Variants in MCM6 observed in about 807,000 individuals in gnomAD.
MCM6 encodes DNA replication licensing factor MCM6.
In MCM6, 46 loss-of-function variants were observed where a neutral mutation model predicts 94.3. The observed-to-expected ratio is 0.49, with a 90% confidence interval of 0.39 to 0.62. MCM6 has a LOEUF of 0.62. Ranked by LOEUF, MCM6 falls within the 20% of genes least tolerant of loss-of-function variation. MCM6 has a pLI of 0.00. For missense variants in MCM6, 865 were observed against 1,017.9 expected (o/e 0.85, Z 2.04); for synonymous variants, 335 against 351.9 (o/e 0.95, Z 0.54).
chr2:135,868,504 T>C, intron 4 of MCM6, 107 bp downstream of exon 4: 3 of 1,140,388 alleles, frequency 2.6e-6, no homozygotes, highest in Non-Finnish European at 3.8e-6. Context: ...GATGCTTAAC[T>C]TACATAAAAA....
intron 7 of MCM6, among the ~76,000 whole-genome samples, chr2:135,864,220 A>C (rs1037929415): frequency 2.0e-5 from 3 of 152,224 alleles, no homozygotes; most frequent in Middle Eastern, 3.2e-3. Context: ...ATCAGGCCTA[A>C]AATTTTAGTC....
At chr2:135,860,294 G>A (rs1679966537) in intron 8 of MCM6, among the ~76,000 whole-genome samples, 1 of 150,946 alleles carries the variant, frequency 6.6e-6, no homozygotes, top group Admixed American at 6.6e-5. Context: ...CACCACACCC[G>A]GCTAATTTTT....
At chr2:135,859,190 G>A in intron 9 of MCM6, 111 bp downstream of exon 9, 1 of 901,350 alleles carries the variant, frequency 1.1e-6, no homozygotes. Flanking sequence ...ACCGCGCCCA[G>A]CTGAGAATGC....
At chr2:135,866,413 G>C (rs1680096214) in intron 5 of MCM6, 136 bp from the exon 6 acceptor site, 1 of 1,388,148 alleles carries the variant, frequency 7.2e-7, no homozygotes, top group Non-Finnish European at 9.9e-7. Flanking sequence ...CACCATTTGT[G>C]GCAAAACCAA....
rs1049632079 is a variant in MCM6, at chr2:135,851,421, C to T, written c.1898G>A (p.Arg633Gln). 6.8e-6 allele frequency: 11 copies of T among 1,612,566 alleles called. 1 individual carries two copies. In the Admixed American group the frequency reaches 1.5e-4, roughly 22 times the overall value. The change falls in exon 13 of 17, where the codon CGG (arginine) becomes CAG (glutamine). Residue 633 changes from arginine to glutamine, a missense_variant. By Grantham distance (43) the Arg-to-Gln change is conservative (BLOSUM62 1). Coordinates refer to ENST00000264156, the MANE Select transcript of MCM6 (RefSeq NM_005915.6). ...TGATACCTCATCACAGCAGTGCATC[C>T]GAGCCATAGCTTCAGAGAGACGAAT... Reference protein sequence around the residue: ...SMIRLSEAMARMHCCDEVQPK... With the variant: ...SMIRLSEAMAQMHCCDEVQPK...
intron 10 of MCM6, among the ~76,000 whole-genome samples, chr2:135,857,224 T>C (rs1023013484): frequency 3.9e-5 from 6 of 152,196 alleles, no homozygotes; most frequent in African/African-American, 1.2e-4. Context: ...CAATTGAATA[T>C]GGGAAATTAA....
In MCM6 at chr2:135,852,837, G is replaced by A; in HGVS notation, c.1705C>T (p.Leu569Phe). The change falls in exon 12 of 17, where the codon CTC becomes TTC. Residue 569 changes from leucine (L) to phenylalanine (F), a missense_variant. Physicochemically the swap from Leu to Phe is conservative, Grantham distance 22. This residue lies in a region of MCM6 where 308 missense variants were observed against 324.5 expected (regional missense o/e 0.95). Transcript: ENST00000264156. ...IEESIDRVYS[L>F]DDIRRYLLFA... ...AGAAGATATCTTCTGATATCATCGA[G>A]GGAATAGACACGATCAATTGATTCC... 1 of 1,609,708 alleles carries A rather than the reference G, an allele frequency of 6.2e-7. No homozygotes were observed. Among genetic ancestry groups the A allele is most frequent in the Non-Finnish European group, 8.5e-7 (1 of 1,177,896 alleles).
chr2:135,867,148 A>G (rs1470002646), intron 4 of MCM6, among the ~76,000 whole-genome samples: 2 of 152,244 alleles, frequency 1.3e-5, no homozygotes, highest in East Asian at 3.8e-4. Context: ...ATTTACAGAT[A>G]CATGTTTTTT....
Position 135,852,900 on chromosome 2 carries a change from T to A in MCM6, c.1642A>T (p.Ile548Phe). The change falls in exon 12 of 17, where the codon ATT (isoleucine) becomes TTT (phenylalanine). Residue 548 changes from isoleucine to phenylalanine, a missense_variant. Physicochemically the swap from Ile to Phe is conservative, Grantham distance 21. Transcript: ENST00000264156. ...DECNEVTDYA[I>F]ARRIVDLHSR... is the part of the protein sequence containing the mutation. ...TGCAAATCTACTATGCGCCTGGCAA[T>A]GGCATAATCTGTAACCTAATTCAAA... The A allele has an allele frequency of 6.2e-7, 1 of 1,606,834 alleles. No individual in the cohort carries two copies. The highest frequency in any genetic ancestry group is 8.5e-7 in the Non-Finnish European group (1 of 1,177,392).
chr2:135,845,507 G>A (rs1390383412), intron 15 of MCM6, among the ~76,000 whole-genome samples: 1 of 152,136 alleles, frequency 6.6e-6, no homozygotes, highest in Non-Finnish European at 1.5e-5. Context: ...AGTTCCCAGG[G>A]GAACAAGGGC....
intron 5 of MCM6, 105 bp from the exon 6 acceptor site, chr2:135,866,382 C>G (rs747030156): frequency 8.3e-6 from 12 of 1,448,202 alleles, no homozygotes; most frequent in African/African-American, 1.4e-5. Flanking sequence ...TTCACTTAAG[C>G]CTTGAATACT....
intron 16 of MCM6, among the ~76,000 whole-genome samples, chr2:135,843,692 T>C (rs1679619081): frequency 7.1e-6 from 1 of 141,522 alleles, no homozygotes; most frequent in Non-Finnish European, 1.5e-5. Flanking sequence ...GCTATGCCAC[T>C]GCACTCCAGC....
chr2:135,868,641 T>C lies in MCM6; in HGVS notation c.585A>G (p.Thr195=), dbSNP rs750911883. The change falls in exon 4 of 17, where the codon ACA becomes ACG. Residue 195 remains threonine, a synonymous_variant. Coordinates refer to ENST00000264156, the MANE Select transcript of MCM6 (RefSeq NM_005915.6). The part of the protein sequence containing the change: ...CANRRRFLLD[T]NKSRFVDFQK... ...GAAAATCAACAAATCTTGATTTATT[T>C]GTATCCAGTAAGAATCTCCTCCTGT... is the stretch of plus-strand genomic sequence containing the variant. The C allele has an allele frequency of 1.2e-6, 2 of 1,614,138 alleles. No individual in the cohort carries two copies. Among genetic ancestry groups the C allele is most frequent in the Admixed American group, 3.3e-5 (2 of 60,022 alleles).
rs1357523142 is a variant in MCM6 at position 135,844,693 on chromosome 2, A to G, written c.2210-9T>C. 6.5e-7 allele frequency: 1 copy of G among 1,533,080 alleles called. No homozygotes were observed. The highest frequency in any genetic ancestry group is 2.2e-5 in the Admixed American group (1 of 44,732). 95.0% of individuals were successfully genotyped at this position (1,533,080 alleles called of 1,614,324 possible). On this transcript the variant is annotated splice_polypyrimidine_tract_variant and intron_variant, in intron 15 of 16. Coordinates refer to ENST00000264156, the MANE Select transcript of MCM6 (RefSeq NM_005915.6). ...TGCTGACTCGTCCTCTTCTGCAACA[A>G]AAAAACACATTCAAATTATCCTAGC... is the stretch of plus-strand genomic sequence containing the variant.
chr2:135,847,350 G>C (rs1679689552), intron 14 of MCM6, among the ~76,000 whole-genome samples: 1 of 152,114 alleles, frequency 6.6e-6, no homozygotes, highest in Non-Finnish European at 1.5e-5. Flanking sequence ...AGGAAGTTAA[G>C]GCTGCAGTGC....
Position 135,848,138 on chromosome 2 carries a change from G to A in MCM6, c.1968C>T (p.Ile656=). The A allele has an allele frequency of 6.2e-7, 1 of 1,611,284 alleles. No homozygotes were observed. Among genetic ancestry groups the A allele is most frequent in the Non-Finnish European group, 8.5e-7 (1 of 1,177,470 alleles). Residue 656 remains isoleucine (I), a synonymous_variant, in exon 14 of 17, where the codon ATC becomes ATT. Coordinates refer to ENST00000264156, the MANE Select transcript of MCM6 (RefSeq NM_005915.6). The part of the protein sequence containing the change: ...KEAFRLLNKS[I]IRVETPDVNL... ...TGACATCAGGTGTTTCCACACGGAT[G>A]ATTGATTTATTCAGTAACCGGAAAG...
rs1679899003 is a variant in MCM6, at chr2:135,856,788, C to A, written c.1566G>T (p.Leu522Phe). Residue 522 changes from leucine (L) to phenylalanine (F), a missense_variant, in exon 11 of 17, where the codon TTG becomes TTT. Leu to Phe is a conservative substitution (Grantham distance 22). This residue lies in a region of MCM6 where 153 missense variants were observed against 241.5 expected (regional missense o/e 0.63). Coordinates refer to ENST00000264156, the MANE Select transcript of MCM6 (RefSeq NM_005915.6). ...CGAATCGGGACATGATGGGAGCTGACAAATTTATATTCTGTTTCAATGATT... is the reference window on the plus strand; with the variant it reads ...CGAATCGGGACATGATGGGAGCTGAAAAATTTATATTCTGTTTCAATGATT... ...RSKSLKQNIN[L>F]SAPIMSRFDL... 1.2e-6 allele frequency: 2 copies of A among 1,614,072 alleles called. No individual in the cohort carries two copies. The highest frequency in any genetic ancestry group is 2.7e-5 in the African/African-American group (2 of 74,930).
intron 2 of MCM6, among the ~76,000 whole-genome samples, chr2:135,871,015 AGTGTTAGGATTACAG>A (rs1014707221): frequency 6.6e-6 from 1 of 152,128 alleles, no homozygotes; most frequent in African/African-American, 2.4e-5. Context: ...AGCCTCCCAA[AGTGTTAGGATTACAG>A]GTGTGAGCCA....
At chr2:135,850,449 G>A (rs1175449129) in intron 13 of MCM6, among the ~76,000 whole-genome samples, 1 of 152,098 alleles carries the variant, frequency 6.6e-6, no homozygotes, top group Non-Finnish European at 1.5e-5. Context: ...GTTCCCACCA[G>A]ATTAGCAGCA....
Sources: gnomAD v4.1 joint callset for allele counts (sites outside exome capture counted in the v4.1 genomes callset) on GRCh38, gnomAD v4.1.1 for gene constraint, gnomAD v4.1.1 regional missense constraint, MANE v1.5 for transcripts, NCBI Gene and HGNC (gene_info 2026-07-23, HGNC 2026-07-21) for gene names.